SIPA1L2: variants seen among roughly 807,000 people sequenced by gnomAD.
SIPA1L2 encodes the protein signal induced proliferation associated 1 like 2.
A neutral mutation model predicts 163.9 loss-of-function variants in SIPA1L2; 56 were observed. That is an observed-to-expected ratio of 0.34 (90% CI 0.28 to 0.43). The LOEUF is 0.43. Among genes scored for constraint, SIPA1L2 ranks in the 20% least tolerant of loss-of-function variants. The probability of loss-of-function intolerance (pLI) is 1.00; values close to 1 mark genes in which losing one functional copy is unlikely to be tolerated. For missense variants in SIPA1L2, 1,974 were observed against 2,193.5 expected, an observed-to-expected ratio of 0.90 and a Z score of 2.00; for synonymous variants, 877 against 865.7, an observed-to-expected ratio of 1.01 and a Z score of -0.23.
chr1:232,575,657 C>G (rs1406883200), intron 1 of SIPA1L2, among the ~76,000 whole-genome samples: 3 of 152,106 alleles, frequency 2.0e-5, no homozygotes, highest in Non-Finnish European at 4.4e-5. Flanking sequence ...TATAACCCAG[C>G]AATTCTACTT....
At chr1:232,627,190 T>G (rs1471027229) in intron 1 of SIPA1L2, among the ~76,000 whole-genome samples, 1 of 152,146 alleles carries the variant, frequency 6.6e-6, no homozygotes, top group Non-Finnish European at 1.5e-5. Flanking sequence ...CCTTCCTCAA[T>G]CTCAAAAAAT....
At chr1:232,551,096 T>A (rs1658354610) in intron 2 of SIPA1L2, among the ~76,000 whole-genome samples, 1 of 152,188 alleles carries the variant, frequency 6.6e-6, no homozygotes, top group East Asian at 1.9e-4. Flanking sequence ...ACCGTGCGTT[T>A]CTATGTCTGT....
chr1:232,477,551 T>C (rs1457407777), intron 7 of SIPA1L2, among the ~76,000 whole-genome samples: 1 of 152,170 alleles, frequency 6.6e-6, no homozygotes, highest in African/African-American at 2.4e-5. Flanking sequence ...GAGTTTGGAA[T>C]GTATAGCCTC....
chr1:232,491,856 T>A (rs1433175801), intron 4 of SIPA1L2, among the ~76,000 whole-genome samples: 1 of 152,198 alleles, frequency 6.6e-6, no homozygotes, highest in Non-Finnish European at 1.5e-5. Flanking sequence ...ACAACAGAAC[T>A]ATCTGCAACG....
At chr1:232,585,965 T>C (rs538145820) in intron 1 of SIPA1L2, among the ~76,000 whole-genome samples, 93 of 152,168 alleles carry the variant, frequency 6.1e-4, no homozygotes, top group African/African-American at 2.0e-3. Context: ...TCTGTAAAAA[T>C]AATAACAGCA....
intron 16 of SIPA1L2, among the ~76,000 whole-genome samples, chr1:232,430,890 C>T (rs150762588): frequency 3.4e-4 from 52 of 152,268 alleles, no homozygotes; most frequent in Middle Eastern, 3.4e-3. Context: ...GGAGCTCCAG[C>T]GGAGACACAA....
chr1:232,542,225 T>C (rs889593110), intron 2 of SIPA1L2, among the ~76,000 whole-genome samples: 1 of 152,230 alleles, frequency 6.6e-6, no homozygotes, highest in Non-Finnish European at 1.5e-5. Flanking sequence ...TAAATAATTA[T>C]TAATTTAGTT....
intron 2 of SIPA1L2, among the ~76,000 whole-genome samples, chr1:232,525,275 G>A (rs1286016335): frequency 8.2e-6 from 1 of 122,138 alleles, no homozygotes; most frequent in South Asian, 2.5e-4. Flanking sequence ...TTGCTCTGTC[G>A]CCCAGGCTGG....
chr1:232,505,767 T>A (rs1399635913), intron 3 of SIPA1L2, among the ~76,000 whole-genome samples: 1 of 152,082 alleles, frequency 6.6e-6, no homozygotes, highest in Non-Finnish European at 1.5e-5. Flanking sequence ...GGACCTCCGT[T>A]TGGGGAGGCA....
In SIPA1L2 at chr1:232,493,581, G is replaced by C. The variant is rs1374998548; in HGVS notation, c.1563C>G (p.Ala521=). Residue 521 remains alanine (A), a synonymous_variant, in exon 4 of 23, where the codon GCC becomes GCG. Transcript: ENST00000674635. ...TGAACTGGGATCCTTCTTTCTCCTT[G>C]GCATCTTCCACCTTCTCTCTCCGGA... ...VSIRREKVED[A]KEKEGSQFNY... is the part of the protein sequence containing the mutation. 3 of 1,613,876 alleles carry C rather than the reference G, an allele frequency of 1.9e-6. No individual in the cohort carries two copies. The East Asian group carries it at 6.7e-5, about 36-fold the overall frequency.
At chr1:232,568,807 G>A (rs1027005195) in intron 2 of SIPA1L2, among the ~76,000 whole-genome samples, 3 of 152,148 alleles carry the variant, frequency 2.0e-5, no homozygotes, top group African/African-American at 7.2e-5. Context: ...CCACCCAAAC[G>A]TGTGTATTGA....
At chr1:232,455,310 G>A (rs1663828543) in intron 10 of SIPA1L2, among the ~76,000 whole-genome samples, 2 of 152,192 alleles carry the variant, frequency 1.3e-5, no homozygotes, top group South Asian at 2.1e-4. Flanking sequence ...TGAGACACAC[G>A]CACGCATATG....
intron 18 of SIPA1L2, among the ~76,000 whole-genome samples, chr1:232,416,351 T>C (rs1661263095): frequency 6.6e-6 from 1 of 152,232 alleles, no homozygotes. Context: ...GAGTCTGCAC[T>C]AGTGAGAGGT....
intron 1 of SIPA1L2, among the ~76,000 whole-genome samples, chr1:232,586,637 T>C (rs575925812): frequency 2.0e-5 from 3 of 152,370 alleles, no homozygotes; most frequent in Non-Finnish European, 4.4e-5. Context: ...AAAAAGCTTC[T>C]ATAGAAATAA....
At chr1:232,545,981 T>C (rs76465137) in intron 2 of SIPA1L2, among the ~76,000 whole-genome samples, 9,817 of 152,280 alleles carry the variant, frequency 0.064, 429 homozygotes, top group Non-Finnish European at 0.099. Flanking sequence ...TCCCTTCTCT[T>C]TCTGGTGTCA....
At chr1:232,516,290 A>G (rs1000614810) in intron 2 of SIPA1L2, among the ~76,000 whole-genome samples, 13 of 152,230 alleles carry the variant, frequency 8.5e-5, no homozygotes, top group Non-Finnish European at 1.6e-4. Context: ...CATCAAATAC[A>G]TTGCAGTAGT....
intron 1 of SIPA1L2, among the ~76,000 whole-genome samples, chr1:232,612,924 C>T (rs746820371): frequency 4.6e-5 from 7 of 151,470 alleles, no homozygotes; most frequent in Non-Finnish European, 7.4e-5. Context: ...CCCATAATTC[C>T]TACACGTTGT....
intron 10 of SIPA1L2, among the ~76,000 whole-genome samples, chr1:232,454,117 T>A (rs745571487): frequency 6.6e-6 from 1 of 152,144 alleles, no homozygotes; most frequent in African/African-American, 2.4e-5. Context: ...TATAACTTAC[T>A]GTAAAGGTTA....
intron 8 of SIPA1L2, among the ~76,000 whole-genome samples, chr1:232,467,858 T>C (rs1252218910): frequency 6.6e-6 from 1 of 152,216 alleles, no homozygotes; most frequent in African/African-American, 2.4e-5. Context: ...CTAAATATGC[T>C]CCACTGTGGT....
Sources: allele counts gnomAD v4.1 joint callset (sites outside exome capture counted in the v4.1 genomes callset), GRCh38; gene constraint gnomAD v4.1.1; transcripts MANE v1.5; gene names NCBI Gene and HGNC (gene_info 2026-07-23, HGNC 2026-07-21).